Variants in RBFOX3 observed in about 807,000 individuals in gnomAD.
RBFOX3 encodes the protein RNA binding protein fox-1 homolog 3.
A neutral mutation model predicts 48.7 loss-of-function variants in RBFOX3; 17 were observed. That is an observed-to-expected ratio of 0.35 (90% CI 0.24 to 0.52). The LOEUF (loss-of-function observed/expected upper bound fraction) is 0.52, where lower values mean the gene tolerates loss of function less well. RBFOX3 is among the 20% of genes least tolerant of loss of function. The pLI, the probability that RBFOX3 is intolerant of heterozygous loss-of-function variation, is 0.94. For missense variants in RBFOX3, 382 were observed against 497.5 expected (o/e 0.77, Z 2.21); for synonymous variants, 212 against 209.5 (o/e 1.01, Z -0.10).
chr17:79,147,991 C>A (rs372900670), intron 4 of RBFOX3, among the ~76,000 whole-genome samples: 245 of 152,330 alleles, frequency 1.6e-3, no homozygotes, highest in African/African-American at 5.6e-3. Flanking sequence ...CACCATCCAT[C>A]CAGAGCCGCC....
intron 1 of RBFOX3, among the ~76,000 whole-genome samples, chr17:79,503,004 G>A (rs2082584238): frequency 6.6e-6 from 1 of 152,218 alleles, no homozygotes; most frequent in East Asian, 1.9e-4. Flanking sequence ...AGTTCTGCAG[G>A]CTGGGAGTCC....
intron 8 of RBFOX3, 137 bp from the exon 9 acceptor site, chr17:79,101,781 C>T (rs2076486946): frequency 1.1e-5 from 9 of 805,338 alleles, no homozygotes; most frequent in Non-Finnish European, 1.9e-5. Flanking sequence ...ATGCTGCCTG[C>T]CCTCCGGGAG....
intron 4 of RBFOX3, among the ~76,000 whole-genome samples, chr17:79,157,468 C>T (rs1842544898): frequency 6.6e-6 from 1 of 152,232 alleles, no homozygotes; most frequent in African/African-American, 2.4e-5. Flanking sequence ...GCCTGGCTTC[C>T]CCCTGGGTCA....
At chr17:79,467,551 AC>A (rs2076479730) in intron 2 of RBFOX3, among the ~76,000 whole-genome samples, 1 of 151,944 alleles carries the variant, frequency 6.6e-6, no homozygotes, top group Non-Finnish European at 1.5e-5. Context: ...CTCCTGGGCC[AC>A]CCCCTGCTCT....
intron 1 of RBFOX3, among the ~76,000 whole-genome samples, chr17:79,552,539 T>G (rs2091253814): frequency 6.6e-6 from 1 of 152,162 alleles, no homozygotes; most frequent in African/African-American, 2.4e-5. Context: ...AATTTCTATC[T>G]GTTTTGTTCA....
Position 79,115,515 on chromosome 17 carries a change from G to C in RBFOX3, c.201C>G (p.Ile67Met). 7.5e-7 allele frequency: 1 copy of C among 1,337,268 alleles called. No individual in the cohort carries two copies. Among genetic ancestry groups the C allele is most frequent in the South Asian group, 2.1e-5 (1 of 46,768 alleles). 82.8% of individuals were successfully genotyped at this position (1,337,268 alleles called of 1,614,324 possible). The change falls in exon 5 of 15, where the codon ATC becomes ATG. Residue 67 changes from isoleucine to methionine, a missense_variant. Ile to Met is a conservative substitution (Grantham distance 10, BLOSUM62 1). Coordinates refer to ENST00000693108, the MANE Select transcript of RBFOX3 (RefSeq NM_001350451.2). Reference protein sequence around the residue: ...QPGSEASTQPIAGTQTVPQTD... With the variant: ...QPGSEASTQPMAGTQTVPQTD... ...TTACCGGCACTGTCTGGGTCCCGGC[G>C]ATGGGCTGTGTGCTGGCCTCGGAGC... is the stretch of plus-strand genomic sequence containing the variant.
chr17:79,213,947 G>A (rs61461047), intron 4 of RBFOX3, among the ~76,000 whole-genome samples: 1,612 of 152,296 alleles, frequency 0.011, 25 homozygotes, highest in African/African-American at 0.037. Context: ...CCAAGACATC[G>A]CGTGCTGCCT....
intron 4 of RBFOX3, among the ~76,000 whole-genome samples, chr17:79,158,126 A>G (rs1400535055): frequency 2.6e-5 from 4 of 152,138 alleles, no homozygotes; most frequent in Non-Finnish European, 5.9e-5. Context: ...ATAGACACAC[A>G]CAGACAGACG....
At chr17:79,574,569 G>T (rs2092794093) in intron 1 of RBFOX3, among the ~76,000 whole-genome samples, 1 of 152,166 alleles carries the variant, frequency 6.6e-6, no homozygotes, top group Non-Finnish European at 1.5e-5. Context: ...TCAGGTCCGG[G>T]AAATTCCCAT....
chr17:79,514,078 CT>C (rs1330470487), intron 1 of RBFOX3, among the ~76,000 whole-genome samples: 10 of 152,214 alleles, frequency 6.6e-5, no homozygotes, highest in Non-Finnish European at 1.0e-4. Flanking sequence ...GTATTTACCC[CT>C]CTGGAGTTGC....
intron 1 of RBFOX3, among the ~76,000 whole-genome samples, chr17:79,527,328 G>A (rs970338554): frequency 6.6e-6 from 1 of 152,192 alleles, no homozygotes; most frequent in Non-Finnish European, 1.5e-5. Flanking sequence ...TTCTAGGAGA[G>A]AGAAGAAAAG....
intron 4 of RBFOX3, among the ~76,000 whole-genome samples, chr17:79,197,902 GC>G (rs2055979083): frequency 6.6e-6 from 1 of 152,098 alleles, no homozygotes; most frequent in African/African-American, 2.4e-5. Flanking sequence ...GAGTCTCTGT[GC>G]CCTTCCTCAC....
chr17:79,415,919 C>T (rs1444091532), intron 2 of RBFOX3, among the ~76,000 whole-genome samples: 1 of 152,142 alleles, frequency 6.6e-6, no homozygotes, highest in Non-Finnish European at 1.5e-5. Context: ...AGGCCCCTCC[C>T]ACCTCCTCAC....
At chr17:79,246,362 T>G (rs531310543) in intron 3 of RBFOX3, among the ~76,000 whole-genome samples, 1 of 152,244 alleles carries the variant, frequency 6.6e-6, no homozygotes, top group Non-Finnish European at 1.5e-5. Flanking sequence ...CTGTGGGCCT[T>G]GGACACCTTT....
intron 12 of RBFOX3, 64 bp from the exon 13 acceptor site, chr17:79,095,638 A>G: frequency 7.1e-7 from 1 of 1,415,802 alleles, no homozygotes; most frequent in Non-Finnish European, 9.8e-7. Flanking sequence ...GGAAAGGCTG[A>G]GTGGGGAGAG....
rs1219625714 is a variant in RBFOX3 at position 79,260,542 on chromosome 17, G to T, written c.-73-24737C>A. Reference sequence around the variant, plus strand: ...TGCCACTGGCACCTCCACGGGTGAGGGGTCAGCTGCTGGGGCCAGGCCCGT... The same window carrying T: ...TGCCACTGGCACCTCCACGGGTGAGTGGTCAGCTGCTGGGGCCAGGCCCGT... On this transcript the variant is annotated intron_variant, in intron 3 of 14. Transcript: ENST00000693108. Among the ~76,000 whole-genome samples, 3 of 152,326 alleles carry T rather than the reference G, an allele frequency of 2.0e-5. 1 individual carries two copies. The highest frequency in any genetic ancestry group is 2.0e-4 in the Admixed American group (3 of 15,308).
At chr17:79,371,001 A>G (rs1598414362) in intron 2 of RBFOX3, among the ~76,000 whole-genome samples, 1 of 152,004 alleles carries the variant, frequency 6.6e-6, no homozygotes, top group East Asian at 1.9e-4. Flanking sequence ...CTCCCCCGGT[A>G]GGGGGTTAGG....
At chr17:79,317,888 G>A (rs1421697972) in intron 2 of RBFOX3, among the ~76,000 whole-genome samples, 1 of 152,188 alleles carries the variant, frequency 6.6e-6, no homozygotes, top group Non-Finnish European at 1.5e-5. Flanking sequence ...ATGTGAGCAG[G>A]ACAATTCTCA....
chr17:79,554,906 C>G (rs1262909887), intron 1 of RBFOX3, among the ~76,000 whole-genome samples: 1 of 152,162 alleles, frequency 6.6e-6, no homozygotes, highest in African/African-American at 2.4e-5. Flanking sequence ...AAGCTAAAGA[C>G]TTCTCCAAAC....
Sources: allele counts gnomAD v4.1 joint callset (sites outside exome capture counted in the v4.1 genomes callset), GRCh38; gene constraint gnomAD v4.1.1; transcripts MANE v1.5; gene names NCBI Gene and HGNC (gene_info 2026-07-23, HGNC 2026-07-21).